Variants in RAB11FIP5 observed in about 807,000 individuals in gnomAD.
RAB11FIP5 encodes the protein rab11 family-interacting protein 5.
Under a neutral mutation model 85.1 loss-of-function variants are expected in RAB11FIP5, and 48 were observed. The ratio of observed to expected loss-of-function variants is 0.56; its 90% confidence interval spans 0.45 to 0.72. The LOEUF (loss-of-function observed/expected upper bound fraction) is 0.72, where lower values mean the gene tolerates loss of function less well. Ranked by LOEUF, RAB11FIP5 falls within the 30% of genes least tolerant of loss-of-function variation. The pLI is 0.00. For synonymous variants in RAB11FIP5, 729 were observed against 727.3 expected, an observed-to-expected ratio of 1.00 and a Z score of -0.04; for missense variants, 1,491 against 1,687.0, an observed-to-expected ratio of 0.88 and a Z score of 2.04.
Position 73,075,439 on chromosome 2 carries a change from C to T in RAB11FIP5, c.*82G>A. On this transcript the variant is annotated 3_prime_UTR_variant, in exon 6 of 6. Coordinates refer to ENST00000486777, the MANE Select transcript of RAB11FIP5 (RefSeq NM_001371272.1). The surrounding 1 kb of genome is among the most constrained non-coding windows in gnomAD (Gnocchi z 4.6). ...ACAAGGCAAGACAGACGATGCCCCA[C>T]TGCAGATGAGAGAGTTCAGGAGGAG... The T allele has an allele frequency of 1.5e-6, 2 of 1,364,962 alleles. No homozygotes were observed. The highest frequency in any genetic ancestry group is 1.2e-5 in the South Asian group (1 of 86,180). 84.6% of individuals were successfully genotyped at this position (1,364,962 alleles called of 1,614,324 possible).
chr2:73,109,862 C>T (rs185286702), intron 1 of RAB11FIP5, among the ~76,000 whole-genome samples: 3 of 152,354 alleles, frequency 2.0e-5, no homozygotes, highest in Admixed American at 1.3e-4. Flanking sequence ...TTACTAAAAT[C>T]TCCCTTCACC....
chr2:73,107,316 A>C (rs887941366), intron 1 of RAB11FIP5, among the ~76,000 whole-genome samples: 8 of 152,250 alleles, frequency 5.3e-5, no homozygotes, highest in Admixed American at 4.6e-4. Flanking sequence ...GGGCAGGAGA[A>C]CATCTGGACA....
In RAB11FIP5 at chr2:73,079,744, A is replaced by G; in HGVS notation, c.3488T>C (p.Leu1163Pro). The change falls in exon 4 of 6, where the codon CTT (leucine) becomes CCT (proline). Residue 1163 changes from leucine to proline, a missense_variant. Around this residue, in one of 3 missense-constraint regions of RAB11FIP5, gnomAD observed 232 missense variants for 259.1 expected, o/e 0.90. Transcript: ENST00000486777. ...GGTGGCTGCAGCGAGGTCCTCCCTAAGTAGGGCAGGGGAGCCCCCAGGTGG... is the reference window on the plus strand; with the variant it reads ...GGTGGCTGCAGCGAGGTCCTCCCTAGGTAGGGCAGGGGAGCCCCCAGGTGG... The part of the protein sequence containing the change: ...PSPPGGSPAL[L>P]REDLAAATPA... The G allele has an allele frequency of 8.1e-7, 1 of 1,232,864 alleles. No individual in the cohort carries two copies. The highest frequency in any genetic ancestry group is 3.2e-5 in the East Asian group (1 of 31,706). The allele number at this position is 1,232,864 out of a possible 1,614,324, so 76.4% of individuals were successfully genotyped here.
intron 1 of RAB11FIP5, among the ~76,000 whole-genome samples, chr2:73,095,792 T>C (rs1197803910): frequency 6.6e-6 from 1 of 152,110 alleles, no homozygotes; most frequent in Admixed American, 6.6e-5. Context: ...CTGCCCTGAG[T>C]ACCCTGAGAA....
At chr2:73,110,968 C>A (rs1157185549) in intron 1 of RAB11FIP5, among the ~76,000 whole-genome samples, 1 of 152,064 alleles carries the variant, frequency 6.6e-6, no homozygotes, top group East Asian at 1.9e-4. Context: ...CATATACCCA[C>A]CCCCTTGGGC....
chr2:73,089,549 C>T lies in RAB11FIP5; in HGVS notation c.432-234G>A, dbSNP rs1434967396. 29 of 600,878 alleles carry T rather than the reference C, an allele frequency of 4.8e-5. No homozygotes were observed. In the Middle Eastern group the frequency reaches 2.3e-3, roughly 48 times the overall value. The allele number at this position is 600,878 out of a possible 1,614,324, so 37.2% of individuals were successfully genotyped here. A position where few individuals can be genotyped will look rare whatever the true frequency, so the allele number is the denominator to read the frequency against. ...CCACATCCTGAGTGGGGAAGCTCCT[C>T]GGGTGCCACCAGGTAGGGCGGCGGT... is the stretch of plus-strand genomic sequence containing the variant. On this transcript the variant is annotated intron_variant, in intron 1 of 5. Coordinates refer to ENST00000486777, the MANE Select transcript of RAB11FIP5 (RefSeq NM_001371272.1). This position sits in a 1 kb window ranked among gnomAD's most constrained non-coding sequence, Gnocchi z 4.6.
At chr2:73,096,556 C>G (rs980726136) in intron 1 of RAB11FIP5, among the ~76,000 whole-genome samples, 1 of 152,170 alleles carries the variant, frequency 6.6e-6, no homozygotes, top group Non-Finnish European at 1.5e-5. Context: ...TCCAAACAAC[C>G]TAGAAACCAG....
chr2:73,077,587 C>T (rs948409841), intron 4 of RAB11FIP5, among the ~76,000 whole-genome samples: 1 of 152,234 alleles, frequency 6.6e-6, no homozygotes, highest in Non-Finnish European at 1.5e-5. Flanking sequence ...TCATGGTCCA[C>T]TACTCCCAAA....
At chr2:73,096,146 C>G (rs1038492576) in intron 1 of RAB11FIP5, among the ~76,000 whole-genome samples, 19 of 152,210 alleles carry the variant, frequency 1.2e-4, no homozygotes, top group Admixed American at 1.2e-3. Context: ...CACCCACCAC[C>G]AAAGCAGAGG....
Position 73,078,002 on chromosome 2 carries a change from C to T in RAB11FIP5, c.3581+1649G>A, listed in dbSNP as rs768610171. 6.6e-6 allele frequency among the ~76,000 whole-genome samples: 1 copy of T among 152,208 alleles called. No individual in the cohort carries two copies. Among genetic ancestry groups the T allele is most frequent in the African/African-American group, 2.4e-5 (1 of 41,440 alleles). On this transcript the variant is annotated intron_variant, in intron 4 of 5. Transcript: ENST00000486777. The surrounding 1 kb of genome is among the most constrained non-coding windows in gnomAD (Gnocchi z 4.4). ...GATCCATGCATTCATTCTCACAAAT[C>T]GGGAAGAGTGGCAGAGCACCCATGC...
intron 1 of RAB11FIP5, among the ~76,000 whole-genome samples, chr2:73,102,191 G>A (rs1325775745): frequency 6.6e-6 from 1 of 152,118 alleles, no homozygotes; most frequent in Non-Finnish European, 1.5e-5. Context: ...GCAGGAGAAG[G>A]AGACTACCCC....
In RAB11FIP5 at chr2:73,079,893, C is replaced by T; in HGVS notation, c.3339G>A (p.Trp1113Ter). Reference sequence around the variant, plus strand: ...TGGGCCCCCCACGGTGGTGGCTGGCCCAAGGCGGGAGAGGGGGCGGTGGAA... The same window carrying T: ...TGGGCCCCCCACGGTGGTGGCTGGCTCAAGGCGGGAGAGGGGGCGGTGGAA... ...PDFPPPPLPP[W>*]ASHHRGGPSP... is the part of the protein sequence containing the mutation. Residue 1113 changes from tryptophan (W) to a stop codon, truncating the protein, a stop_gained, in exon 4 of 6, where the codon TGG becomes TGA. Coordinates refer to ENST00000486777, the MANE Select transcript of RAB11FIP5 (RefSeq NM_001371272.1). LOFTEE classifies it high-confidence loss of function. 8.1e-7 allele frequency: 1 copy of T among 1,232,382 alleles called. No individual in the cohort carries two copies. The highest frequency in any genetic ancestry group is 1.0e-6 in the Non-Finnish European group (1 of 988,244). 76.3% of individuals were successfully genotyped at this position (1,232,382 alleles called of 1,614,324 possible).
At chr2:73,079,004 C>A (rs1053043848) in intron 4 of RAB11FIP5, among the ~76,000 whole-genome samples, 15 of 152,216 alleles carry the variant, frequency 9.9e-5, no homozygotes, top group African/African-American at 3.4e-4. Context: ...TAAAAGGCAC[C>A]AAACGCAAAC....
At chr2:73,093,677 G>A (rs1316043664) in intron 1 of RAB11FIP5, among the ~76,000 whole-genome samples, 1 of 152,222 alleles carries the variant, frequency 6.6e-6, no homozygotes, top group Non-Finnish European at 1.5e-5. Flanking sequence ...TGGCTGTTGG[G>A]AGGCTAAGGC....
rs751656050 is a variant in RAB11FIP5, at chr2:73,076,196, C to T, written c.3582-14G>A. On this transcript the variant is annotated splice_polypyrimidine_tract_variant and intron_variant, in intron 4 of 5. Transcript: ENST00000486777. Reference sequence around the variant, plus strand: ...ACGGGGTGGGGACTGCAAAGACATACAAGAGATGGGTTACACAGAGAGAAG... The same window carrying T: ...ACGGGGTGGGGACTGCAAAGACATATAAGAGATGGGTTACACAGAGAGAAG... The T allele has an allele frequency of 5.0e-6, 8 of 1,586,022 alleles. No individual in the cohort carries two copies. The East Asian group carries it at 9.0e-5, about 18-fold the overall frequency.
chr2:73,097,834 A>G (rs984372331), intron 1 of RAB11FIP5, among the ~76,000 whole-genome samples: 4 of 152,208 alleles, frequency 2.6e-5, no homozygotes, highest in African/African-American at 9.7e-5. Flanking sequence ...AAGATGCCCA[A>G]CCAGATGTGG....
rs1559232891 is a variant in RAB11FIP5, at chr2:73,081,023, C to T, written c.2209G>A (p.Ala737Thr). Residue 737 changes from alanine (A) to threonine (T), a missense_variant, in exon 4 of 6, where the codon GCG becomes ACG. By Grantham distance (58) the Ala-to-Thr change is moderately conservative. Transcript: ENST00000486777. The surrounding 1 kb of genome is among the most constrained non-coding windows in gnomAD (Gnocchi z 4.2). ...DLGPNHQSAS[A>T]ADPGLLGSVG... Reference sequence around the variant, plus strand: ...GACCCGAGGAGCCCTGGGTCAGCCGCGCTCGCGCTCTGGTGGTTCGGTCCC... The same window carrying T: ...GACCCGAGGAGCCCTGGGTCAGCCGTGCTCGCGCTCTGGTGGTTCGGTCCC... 8.1e-7 allele frequency: 1 copy of T among 1,232,480 alleles called. No homozygotes were observed. The highest frequency in any genetic ancestry group is 3.2e-5 in the East Asian group (1 of 31,702). The allele number at this position is 1,232,480 out of a possible 1,614,324, so 76.3% of individuals were successfully genotyped here. A position where few individuals can be genotyped will look rare whatever the true frequency, so the allele number is the denominator to read the frequency against.
At chr2:73,098,939 A>C (rs895551720) in intron 1 of RAB11FIP5, among the ~76,000 whole-genome samples, 15 of 151,778 alleles carry the variant, frequency 9.9e-5, no homozygotes, top group Non-Finnish European at 1.9e-4. Context: ...TATACTCATC[A>C]CCACTTTGAA....
intron 1 of RAB11FIP5, among the ~76,000 whole-genome samples, chr2:73,092,794 AG>A (rs1421903696): frequency 6.6e-6 from 1 of 152,196 alleles, no homozygotes; most frequent in Non-Finnish European, 1.5e-5. Flanking sequence ...GAGAATGGCC[AG>A]GACCTACCTC....
Sources: allele counts gnomAD v4.1 joint callset (sites outside exome capture counted in the v4.1 genomes callset), GRCh38; gene constraint gnomAD v4.1.1; regional missense constraint gnomAD v4.1.1; non-coding constraint Gnocchi (gnomAD v3.1); transcripts MANE v1.5; gene names NCBI Gene and HGNC (gene_info 2026-07-23, HGNC 2026-07-21).